Variants in PTPRG observed in about 807,000 individuals in gnomAD.
The protein encoded by PTPRG is protein tyrosine phosphatase receptor type G, also known as receptor-type tyrosine-protein phosphatase gamma.
Under a neutral mutation model 165.3 loss-of-function variants are expected in PTPRG, and 102 were observed. The ratio of observed to expected loss-of-function variants is 0.62; its 90% CI spans 0.53 to 0.73. PTPRG has a LOEUF of 0.73. Among genes scored for constraint, PTPRG ranks in the 30% least tolerant of loss-of-function variants. PTPRG has a pLI of 0.00. For synonymous variants in PTPRG, 675 were observed against 669.5 expected (o/e 1.01, Z -0.13); for missense variants, 1,866 against 1,861.4 (o/e 1.00, Z -0.05).
chr3:61,703,148 C>T (rs535894689), intron 1 of PTPRG, among the ~76,000 whole-genome samples: 2 of 143,978 alleles, frequency 1.4e-5, no homozygotes, highest in South Asian at 2.2e-4. Context: ...GAAGTTGAAT[C>T]TTTTTTTTTT....
chr3:62,138,762 A>G (rs986344937), intron 6 of PTPRG, among the ~76,000 whole-genome samples: 1 of 151,070 alleles, frequency 6.6e-6, no homozygotes, highest in Admixed American at 6.6e-5. Flanking sequence ...TGTGCATTAT[A>G]CGTCGCTTCT....
At chr3:61,724,217 C>CAAA (rs1260061643) in intron 1 of PTPRG, among the ~76,000 whole-genome samples, 26 of 128,706 alleles carry the variant, frequency 2.0e-4, no homozygotes, top group South Asian at 5.1e-4. Context: ...CTCCCATCTC[C>CAAA]AAAAAAAAAA....
intron 28 of PTPRG, among the ~76,000 whole-genome samples, chr3:62,292,205 T>G (rs1164443929): frequency 6.6e-6 from 1 of 152,150 alleles, no homozygotes; most frequent in Non-Finnish European, 1.5e-5. Context: ...AAACGTCTCA[T>G]GAACCAATTT....
intron 8 of PTPRG, among the ~76,000 whole-genome samples, chr3:62,186,567 C>CCTT (rs1705895088): frequency 8.5e-6 from 1 of 117,542 alleles, no homozygotes; most frequent in African/African-American, 3.5e-5. Context: ...TTTTCTTTTC[C>CCTT]TTTTTTTTTT....
Position 61,949,735 on chromosome 3 carries a change from T to G in PTPRG, c.191-39890T>G, listed in dbSNP as rs868579087. Among the ~76,000 whole-genome samples the G allele has an allele frequency of 9.8e-3, 1,491 of 151,712 alleles. 23 individuals are homozygous for G. Among genetic ancestry groups the G allele is most frequent in the African/African-American group, 0.033 (1,363 of 41,322 alleles). On this transcript the variant is annotated intron_variant, in intron 2 of 29. Coordinates refer to ENST00000474889, the MANE Select transcript of PTPRG (RefSeq NM_002841.4). ...TAAAGCCTTTGGATTCTTTGTTTTT[T>G]TTTTTTTTGTTTGTTTGTTTTGGAG...
At chr3:61,837,973 G>C (rs1404728239) in intron 2 of PTPRG, among the ~76,000 whole-genome samples, 3 of 152,090 alleles carry the variant, frequency 2.0e-5, no homozygotes, top group African/African-American at 7.2e-5. Flanking sequence ...AATGGATCAG[G>C]CCCCCGACAC....
chr3:61,822,436 T>C (rs988759763), intron 2 of PTPRG, among the ~76,000 whole-genome samples: 7 of 152,214 alleles, frequency 4.6e-5, no homozygotes, highest in Admixed American at 1.3e-4. Flanking sequence ...GTCTCTGAAC[T>C]TTATTTGCAG....
intron 12 of PTPRG, among the ~76,000 whole-genome samples, chr3:62,218,293 G>A (rs1700563853): frequency 6.6e-6 from 1 of 152,182 alleles, no homozygotes; most frequent in African/African-American, 2.4e-5. Context: ...GTTAGGGAAA[G>A]GTGGTTTCCC....
At chr3:62,033,090 G>T (rs187445578) in intron 4 of PTPRG, among the ~76,000 whole-genome samples, 1 of 152,038 alleles carries the variant, frequency 6.6e-6, no homozygotes, top group Non-Finnish European at 1.5e-5. Flanking sequence ...TGTGTGACCC[G>T]GCTCCTGCCT....
At chr3:62,215,552 C>CG (rs67782375) in intron 12 of PTPRG, among the ~76,000 whole-genome samples, 1 of 141,474 alleles carries the variant, frequency 7.1e-6, no homozygotes, top group Non-Finnish European at 1.6e-5. Context: ...GGGAACCCCC[C>CG]CCCCCCGCCA....
intron 2 of PTPRG, among the ~76,000 whole-genome samples, chr3:61,985,989 T>C (rs1174842950): frequency 6.6e-6 from 1 of 152,200 alleles, no homozygotes; most frequent in Non-Finnish European, 1.5e-5. Flanking sequence ...ACTCCTGAAG[T>C]TGACATCCTG....
chr3:61,871,123 A>ATGTTGTGTTG (rs1559660022), intron 2 of PTPRG, among the ~76,000 whole-genome samples: 5 of 110,846 alleles, frequency 4.5e-5, no homozygotes, highest in African/African-American at 1.6e-4. Flanking sequence ...ATGTTATGTT[A>ATGTTGTGTTG]TGTTATGTTG....
intron 2 of PTPRG, among the ~76,000 whole-genome samples, chr3:61,835,574 C>A (rs1040856907): frequency 6.6e-6 from 1 of 151,922 alleles, no homozygotes; most frequent in Non-Finnish European, 1.5e-5. Flanking sequence ...CCTTGTGATC[C>A]AGCCACCTCA....
intron 5 of PTPRG, among the ~76,000 whole-genome samples, chr3:62,126,123 C>T (rs1022751431): frequency 1.3e-5 from 2 of 152,156 alleles, no homozygotes; most frequent in African/African-American, 2.4e-5. Context: ...CAAAATCTGC[C>T]ATTTTGTACG....
At chr3:62,278,089 T>A (rs1248219043) in intron 26 of PTPRG, among the ~76,000 whole-genome samples, 1 of 152,090 alleles carries the variant, frequency 6.6e-6, no homozygotes, top group East Asian at 1.9e-4. Flanking sequence ...CTCAACAATT[T>A]TAAGACATAC....
chr3:61,925,189 T>C (rs571703643), intron 2 of PTPRG, among the ~76,000 whole-genome samples: 52 of 152,366 alleles, frequency 3.4e-4, no homozygotes, highest in South Asian at 3.1e-3. Flanking sequence ...AGTAAAACTT[T>C]ATTTATAAAA....
intron 5 of PTPRG, among the ~76,000 whole-genome samples, chr3:62,086,261 A>G (rs891029730): frequency 1.3e-5 from 2 of 148,302 alleles, no homozygotes; most frequent in Non-Finnish European, 1.5e-5. Flanking sequence ...TAAATTTTCT[A>G]TCGTGTTATG....
chr3:62,082,620 A>C (rs1443661149), intron 5 of PTPRG, among the ~76,000 whole-genome samples: 1 of 152,330 alleles, frequency 6.6e-6, no homozygotes, highest in East Asian at 1.9e-4. Context: ...GTTCACATCA[A>C]CGTGATCTTA....
intron 23 of PTPRG, among the ~76,000 whole-genome samples, chr3:62,275,658 A>G (rs376441915): frequency 8.0e-4 from 122 of 152,294 alleles, no homozygotes; most frequent in African/African-American, 2.9e-3. Context: ...ACTACTCAGG[A>G]GGCTGAGGTG....
Sources: allele counts gnomAD v4.1 joint callset (sites outside exome capture counted in the v4.1 genomes callset), GRCh38; gene constraint gnomAD v4.1.1; transcripts MANE v1.5; gene names NCBI Gene and HGNC (gene_info 2026-07-23, HGNC 2026-07-21).